ARSL: variants seen among roughly 807,000 people sequenced by gnomAD.
The protein encoded by ARSL is arylsulfatase L, also known as arylsulfatase E (chondrodysplasia punctata 1).
In ARSL, 4 loss-of-function variants were observed where a neutral mutation model predicts 31.1. The ratio of observed to expected loss-of-function variants is 0.13; its 90% CI spans 0.06 to 0.29. The LOEUF (loss-of-function observed/expected upper bound fraction) is 0.29, where lower values mean the gene tolerates loss of function less well. Ranked by LOEUF, ARSL falls within the 10% of genes least tolerant of loss-of-function variation. The pLI is 1.00. For missense variants in ARSL, 312 were observed against 497.8 expected, an observed-to-expected ratio of 0.63 and a Z score of 3.55; for synonymous variants, 198 against 209.9, an observed-to-expected ratio of 0.94 and a Z score of 0.49.
chrX:2,965,018 T>C (rs1408452347), upstream of ARSL, among the ~76,000 whole-genome samples: 2 of 109,592 alleles, frequency 1.8e-5, no homozygotes, highest in Non-Finnish European at 3.8e-5. Flanking sequence ...GGTGGAAAGA[T>C]TGTTTGAGCC....
chrX:2,946,535 A>G (rs1365433681), intron 6 of ARSL, among the ~76,000 whole-genome samples: 3 of 40,984 alleles, frequency 7.3e-5, no homozygotes, highest in Non-Finnish European at 1.2e-4. Flanking sequence ...TTTTTTTTGT[A>G]GAGACAGGGT....
rs211636 is a variant in ARSL, at chrX:2,959,794, G to A, written c.23+584C>T. ...GAAGCGGTCAGGCGTGGTGGCTCAT[G>A]CCCATTATCTGAGCACGTTGGGAGG... On this transcript the variant is annotated intron_variant, in intron 2 of 10. Transcript: ENST00000381134. 0.44 allele frequency: 454,803 copies of A among 1,031,270 alleles called. 73,167 individuals carry two copies. Among genetic ancestry groups the A allele is most frequent in the South Asian group, 0.53 (20,674 of 39,213 alleles). 85.0% of individuals were successfully genotyped at this position (1,031,270 alleles called of 1,213,427 possible).
chrX:2,935,265 G>GCCTACCTTTTA, intron 10 of ARSL, 75 bp from the exon 11 acceptor site: 1 of 1,040,813 alleles, frequency 9.6e-7, no homozygotes, highest in Non-Finnish European at 1.3e-6. Context: ...ATCTTCATAG[G>GCCTACCTTTTA]GCTAAAAGGT....
At chrX:2,940,888 A>T (rs2147355036) in intron 8 of ARSL, among the ~76,000 whole-genome samples, 1 of 112,004 alleles carries the variant, frequency 8.9e-6, no homozygotes, top group Non-Finnish European at 1.9e-5. Context: ...GTGAGCCAAG[A>T]TCGTACCACT....
chrX:2,944,791 A>G, intron 7 of ARSL, among the ~76,000 whole-genome samples: 1 of 111,183 alleles, frequency 9.0e-6, no homozygotes, highest in Non-Finnish European at 1.9e-5. Context: ...TAATGAGGGA[A>G]TGAGGCAAGA....
chrX:2,951,614 C>CAAAAAAAAAAAAAAAA (rs1164575386), intron 5 of ARSL, among the ~76,000 whole-genome samples: 1 of 28,892 alleles, frequency 3.5e-5, no homozygotes, highest in Non-Finnish European at 8.0e-5. Flanking sequence ...CCCATCTCTA[C>CAAAAAAAAAAAAAAAA]AAAAAAAAAA....
Position 2,953,272 on chromosome X carries a change from G to A in ARSL, c.308-7C>T. The A allele has an allele frequency of 8.3e-7, 1 of 1,205,703 alleles. No homozygotes were observed. The highest frequency in any genetic ancestry group is 1.1e-6 in the Non-Finnish European group (1 of 891,735). ...CCAATGCTGGAAACCATCCCTTTGA[G>A]CAATTATTAAGAGAAAGAATTACTG... On this transcript the variant is annotated splice_polypyrimidine_tract_variant and splice_region_variant and intron_variant, in intron 4 of 10. Coordinates refer to ENST00000381134, the MANE Select transcript of ARSL (RefSeq NM_000047.3).
intron 8 of ARSL, among the ~76,000 whole-genome samples, chrX:2,938,479 A>G (rs750346266): frequency 6.3e-5 from 7 of 111,298 alleles, no homozygotes; most frequent in Non-Finnish European, 1.3e-4. Context: ...TAACCTTGTT[A>G]TTGGTTAGTG....
chrX:2,941,798 C>T (rs5982932), intron 8 of ARSL, among the ~76,000 whole-genome samples: 1,154 of 111,972 alleles, frequency 0.01, 12 homozygotes, highest in African/African-American at 0.034. Flanking sequence ...CACACGTTCT[C>T]GGGACCTCCT....
At chrX:2,944,992 T>TGAA (rs1249032131) in intron 7 of ARSL, among the ~76,000 whole-genome samples, 2 of 98,072 alleles carry the variant, frequency 2.0e-5, no homozygotes, top group African/African-American at 7.8e-5. Context: ...AGGAGGAATA[T>TGAA]GAAGAAGAAG....
At position 2,943,170 on chromosome X, in the gene ARSL, C is replaced by G; in HGVS notation, c.1021G>C (p.Gly341Arg). The change falls in exon 8 of 11, where the codon GGT becomes CGT. Residue 341 changes from glycine to arginine, a missense_variant. By Grantham distance (125) the Gly-to-Arg change is moderately radical. Transcript: ENST00000381134. ...GRILDTLDVE[G>R]LSNSTLIYFT... Reference sequence around the variant, plus strand: ...TAAATGAGGGTGCTGTTGCTCAAACCCTCCACGTCCAAAGTGTCAAGGATC... The same window carrying G: ...TAAATGAGGGTGCTGTTGCTCAAACGCTCCACGTCCAAAGTGTCAAGGATC... 1 of 1,210,950 alleles carries G rather than the reference C, an allele frequency of 8.3e-7. No homozygotes were observed. Among genetic ancestry groups the G allele is most frequent in the Non-Finnish European group, 1.1e-6 (1 of 895,361 alleles).
rs187110605 is a variant in ARSL at position 2,943,135 on chromosome X, C to T, written c.1056G>A (p.Ser352=). The change falls in exon 8 of 11, where the codon TCG becomes TCA. Residue 352 remains serine, a synonymous_variant. Transcript: ENST00000381134. ...GATTCTCTAGGGAACCGCCGTGATC[C>T]GACGTAAAATAAATGAGGGTGCTGT... ...LSNSTLIYFT[S]DHGGSLENQL... is the part of the protein sequence containing the mutation. The T allele has an allele frequency of 3.0e-5, 36 of 1,209,049 alleles. No individual in the cohort carries two copies. Among genetic ancestry groups the T allele is most frequent in the South Asian group, 1.2e-4 (7 of 56,703 alleles).
intron 5 of ARSL, 124 bp from the exon 6 acceptor site, chrX:2,949,851 G>A: frequency 1.2e-6 from 1 of 800,679 alleles, no homozygotes; most frequent in Non-Finnish European, 1.8e-6. Flanking sequence ...TTGCAAAGAA[G>A]TGTGGGCAGC....
intron 7 of ARSL, 127 bp downstream of exon 7, chrX:2,945,871 C>G (rs1052000036): frequency 1.1e-5 from 11 of 962,331 alleles, no homozygotes; most frequent in Middle Eastern, 2.8e-4. Flanking sequence ...ATTTTGCACT[C>G]TTAAAATCCA....
At chrX:2,944,444 A>G (rs1342803471) in intron 7 of ARSL, among the ~76,000 whole-genome samples, 1 of 94,320 alleles carries the variant, frequency 1.1e-5, no homozygotes, top group Non-Finnish European at 2.1e-5. Context: ...ACAGAGTGAG[A>G]CTCGGTCTCA....
rs144798825 is a variant in ARSL at position 2,955,315 on chromosome X, T to G, written c.307+101A>C. ...GCAAGATAGAGAGAACACCCCCCAGTCTCTATTTAAATAAAAAATAAAAAA... is the reference window on the plus strand; with the variant it reads ...GCAAGATAGAGAGAACACCCCCCAGGCTCTATTTAAATAAAAAATAAAAAA... On this transcript the variant is annotated intron_variant, in intron 4 of 10. Coordinates refer to ENST00000381134, the MANE Select transcript of ARSL (RefSeq NM_000047.3). 2,634 of 1,031,378 alleles carry G rather than the reference T, an allele frequency of 2.6e-3. 40 individuals are homozygous for G. The African/African-American group carries it at 0.044, about 17-fold the overall frequency. 85.0% of individuals were successfully genotyped at this position (1,031,378 alleles called of 1,213,427 possible).
Position 2,949,638 on chromosome X carries a change from G to C in ARSL, c.520C>G (p.Pro174Ala), listed in dbSNP as rs1569105819. 1 of 1,211,583 alleles carries C rather than the reference G, an allele frequency of 8.3e-7. No homozygotes were observed. The highest frequency in any genetic ancestry group is 1.1e-6 in the Non-Finnish European group (1 of 895,501). ...HHGFDHFYGM[P>A]FSLMGDCARW... ...GCGCAATCACCCATCAAGGAGAAAG[G>C]CATTCCGTAGAAATGGTCAAAGCCA... The change falls in exon 6 of 11, where the codon CCT (proline) becomes GCT (alanine). Residue 174 changes from proline to alanine, a missense_variant. Coordinates refer to ENST00000381134, the MANE Select transcript of ARSL (RefSeq NM_000047.3).
chrX:2,953,676 C>A (rs2089490069), intron 4 of ARSL, among the ~76,000 whole-genome samples: 1 of 111,349 alleles, frequency 9.0e-6, no homozygotes, highest in Admixed American at 9.6e-5. Flanking sequence ...CCTCAGCTAC[C>A]TGAGTAGCTG....
In ARSL at chrX:2,955,547, G is replaced by T. The variant is rs200613510; in HGVS notation, c.186-10C>A. Reference sequence around the variant, plus strand: ...GTCAATATTCGGAGTCCTATGGAGGGACAAATTAACAGCTTTACTTGTTAA... The same window carrying T: ...GTCAATATTCGGAGTCCTATGGAGGTACAAATTAACAGCTTTACTTGTTAA... On this transcript the variant is annotated splice_polypyrimidine_tract_variant and intron_variant, in intron 3 of 10. Coordinates refer to ENST00000381134, the MANE Select transcript of ARSL (RefSeq NM_000047.3). 14 of 1,208,603 alleles carry T rather than the reference G, an allele frequency of 1.2e-5. No homozygotes were observed. The African/African-American group carries it at 2.1e-4, about 18-fold the overall frequency.
Sources: allele counts gnomAD v4.1 joint callset (sites outside exome capture counted in the v4.1 genomes callset), GRCh38; gene constraint gnomAD v4.1.1; transcripts MANE v1.5; gene names NCBI Gene and HGNC (gene_info 2026-07-23, HGNC 2026-07-21).